Variants in SULT1B1 observed in about 807,000 individuals in gnomAD.
SULT1B1 encodes sulfotransferase family 1B member 1.
SULT1B1 carries 28 observed loss-of-function variants against 34.6 expected under a neutral mutation model. The ratio of observed to expected loss-of-function variants is 0.81; its 90% CI spans 0.60 to 1.11. The LOEUF (loss-of-function observed/expected upper bound fraction) is 1.11. Ranked by LOEUF, SULT1B1 falls within the 50% of genes least tolerant of loss-of-function variation. The pLI, the probability that SULT1B1 is intolerant of heterozygous loss-of-function variation, is 0.00. For synonymous variants in SULT1B1, 147 were observed against 110.2 expected (o/e 1.33, Z -2.09); for missense variants, 374 against 352.2 (o/e 1.06, Z -0.50).
At chr4:69,754,821 C>T in intron 2 of SULT1B1, 23 bp from the exon 3 acceptor site, 1 of 1,605,770 alleles carries the variant, frequency 6.2e-7, no homozygotes, top group South Asian at 1.1e-5. Flanking sequence ...GCAACATTTT[C>T]AAAATAATTA....
intron 4 of SULT1B1, among the ~76,000 whole-genome samples, chr4:69,745,920 A>C (rs1490218795): frequency 6.6e-6 from 1 of 152,168 alleles, no homozygotes. Context: ...GAATTCCTTT[A>C]GTATTTCCTT....
chr4:69,758,695 C>T (rs1057172612), intron 1 of SULT1B1, among the ~76,000 whole-genome samples: 9 of 152,106 alleles, frequency 5.9e-5, no homozygotes, highest in African/African-American at 2.2e-4. Context: ...ATACTGTCTG[C>T]TAAAATTATA....
At chr4:69,733,326 G>T in intron 6 of SULT1B1, 87 bp downstream of exon 6, 1 of 913,720 alleles carries the variant, frequency 1.1e-6, no homozygotes, top group Non-Finnish European at 1.6e-6. Flanking sequence ...TTTTGGACTC[G>T]ATAGACTAAG....
chr4:69,740,650 T>G (rs530208332), intron 4 of SULT1B1, among the ~76,000 whole-genome samples: 1 of 152,350 alleles, frequency 6.6e-6, no homozygotes, highest in South Asian at 2.1e-4. Flanking sequence ...TGTGTCTTCT[T>G]GGTAGAACAA....
intron 6 of SULT1B1, 135 bp downstream of exon 6, chr4:69,733,278 G>T: frequency 7.4e-6 from 4 of 537,058 alleles, no homozygotes; most frequent in South Asian, 7.6e-5. Flanking sequence ...AGCAAGATTT[G>T]GGTAAAAACA....
intron 4 of SULT1B1, among the ~76,000 whole-genome samples, chr4:69,744,137 C>A (rs1321287642): frequency 6.6e-6 from 1 of 152,150 alleles, no homozygotes; most frequent in African/African-American, 2.4e-5. Flanking sequence ...CTATGCCCTT[C>A]CCTCCATGTC....
intron 4 of SULT1B1, among the ~76,000 whole-genome samples, chr4:69,747,728 T>A (rs372697517): frequency 2.6e-5 from 4 of 152,156 alleles, no homozygotes; most frequent in Non-Finnish European, 5.9e-5. Context: ...TCTCTGGGCA[T>A]CAAGGAGTCT....
intron 4 of SULT1B1, among the ~76,000 whole-genome samples, chr4:69,740,439 G>A (rs966609834): frequency 6.6e-6 from 1 of 152,180 alleles, no homozygotes; most frequent in Non-Finnish European, 1.5e-5. Context: ...GGTCTTGTGA[G>A]AACTCACTCA....
rs764757488 is a variant in SULT1B1 at position 69,749,836 on chromosome 4, G to A, written c.278-18C>T. 3 of 1,587,894 alleles carry A rather than the reference G, an allele frequency of 1.9e-6. No individual in the cohort carries two copies. In the African/African-American group the frequency reaches 4.0e-5, roughly 21 times the overall value. On this transcript the variant is annotated intron_variant, in intron 3 of 7. Coordinates refer to ENST00000310613, the MANE Select transcript of SULT1B1 (RefSeq NM_014465.4). ...TTCTATACCTGAGAAATTTAGTTAA[G>A]TATAGGGAAATATTAGAGTCTCCAG...
chr4:69,731,285 G>C (rs973127306), intron 6 of SULT1B1, among the ~76,000 whole-genome samples: 5 of 152,162 alleles, frequency 3.3e-5, no homozygotes, highest in African/African-American at 1.2e-4. Flanking sequence ...TGTGAATTGA[G>C]TATGTGAGGG....
chr4:69,732,811 TA>T, intron 6 of SULT1B1, among the ~76,000 whole-genome samples: 2 of 151,706 alleles, frequency 1.3e-5, no homozygotes, highest in Middle Eastern at 3.4e-3. Context: ...AAAGATACAA[TA>T]GATACACTAT....
At chr4:69,753,842 G>A (rs1486847633) in intron 3 of SULT1B1, among the ~76,000 whole-genome samples, 1 of 152,190 alleles carries the variant, frequency 6.6e-6, no homozygotes, top group Non-Finnish European at 1.5e-5. Context: ...GCCAATCAAA[G>A]GTGGCCAGCT....
intron 1 of SULT1B1, 28 bp from the exon 2 acceptor site, chr4:69,755,289 G>C: frequency 6.5e-7 from 1 of 1,531,226 alleles, no homozygotes; most frequent in South Asian, 1.2e-5. Context: ...ATAAAAATCA[G>C]AATCTGAGTA....
At chr4:69,744,185 C>T (rs185214900) in intron 4 of SULT1B1, among the ~76,000 whole-genome samples, 4 of 152,240 alleles carry the variant, frequency 2.6e-5, no homozygotes, top group East Asian at 1.9e-4. Flanking sequence ...TGACTGGGTG[C>T]GGCCTCATTG....
At chr4:69,734,925 C>T (rs1034398300) in intron 4 of SULT1B1, among the ~76,000 whole-genome samples, 1 of 151,082 alleles carries the variant, frequency 6.6e-6, no homozygotes, top group Non-Finnish European at 1.5e-5. Flanking sequence ...TTCAGGCCAT[C>T]CTCCTGCCTC....
intron 4 of SULT1B1, among the ~76,000 whole-genome samples, chr4:69,735,979 A>G (rs1254924693): frequency 1.3e-5 from 2 of 152,142 alleles, no homozygotes; most frequent in Non-Finnish European, 2.9e-5. Context: ...TAGAATTGCT[A>G]TTTCCATGCC....
chr4:69,739,376 C>A (rs1718448694), intron 4 of SULT1B1, among the ~76,000 whole-genome samples: 1 of 152,200 alleles, frequency 6.6e-6, no homozygotes, highest in Admixed American at 6.5e-5. Context: ...AACATCAATT[C>A]TTGACTTCAG....
chr4:69,756,655 G>T (rs192349292), intron 1 of SULT1B1, among the ~76,000 whole-genome samples: 1 of 152,138 alleles, frequency 6.6e-6, no homozygotes, highest in East Asian at 1.9e-4. Context: ...GCTCTTCCTG[G>T]ATCTCCAGCC....
chr4:69,754,108 C>A (rs916303638), intron 3 of SULT1B1, among the ~76,000 whole-genome samples: 56 of 152,242 alleles, frequency 3.7e-4, no homozygotes, highest in African/African-American at 1.2e-3. Flanking sequence ...TGTTCGCTTC[C>A]ACAGAACCCT....
Sources: gnomAD v4.1 joint callset for allele counts (sites outside exome capture counted in the v4.1 genomes callset) on GRCh38, gnomAD v4.1.1 for gene constraint, MANE v1.5 for transcripts, NCBI Gene and HGNC (gene_info 2026-07-23, HGNC 2026-07-21) for gene names.